The following ZDHHC14 variants were observed in gnomAD, a reference collection of about 807,000 sequenced individuals.
The protein encoded by ZDHHC14 is zDHHC palmitoyltransferase 14.
In ZDHHC14, 16 loss-of-function variants were observed where a neutral mutation model predicts 47.7. That is an observed-to-expected ratio of 0.34 (90% CI 0.23 to 0.51). The LOEUF is 0.51. Ranked by LOEUF, ZDHHC14 falls within the 20% of genes least tolerant of loss-of-function variation. The pLI is 0.97. For missense variants in ZDHHC14, 515 were observed against 662.5 expected (o/e 0.78, Z 2.44); for synonymous variants, 293 against 278.9 (o/e 1.05, Z -0.50).
At chr6:157,661,456 G>A (rs1778340715) in intron 8 of ZDHHC14, among the ~76,000 whole-genome samples, 1 of 152,168 alleles carries the variant, frequency 6.6e-6, no homozygotes, top group Non-Finnish European at 1.5e-5. Flanking sequence ...ACCTCTGCCA[G>A]CTGTGTCCCC....
intron 1 of ZDHHC14, among the ~76,000 whole-genome samples, chr6:157,493,682 C>T (rs1338879089): frequency 3.7e-4 from 57 of 152,244 alleles, no homozygotes; most frequent in African/African-American, 1.2e-4. Context: ...TCCAAAGCAG[C>T]GATGCTGTCC....
At chr6:157,672,624 A>AGCCC in intron 8 of ZDHHC14, 100 bp from the exon 9 acceptor site, 42 of 273,142 alleles carry the variant, frequency 1.5e-4, no homozygotes, top group East Asian at 7.8e-4. Context: ...CTCTTCTCGC[A>AGCCC]CCCCACCCTC....
chr6:157,545,472 C>G (rs138843179), intron 2 of ZDHHC14, among the ~76,000 whole-genome samples: 1 of 151,774 alleles, frequency 6.6e-6, no homozygotes, highest in African/African-American at 2.4e-5. Context: ...GTCAGGAGAT[C>G]GAGATCATCC....
At position 157,565,311 on chromosome 6, in the gene ZDHHC14, C is replaced by T. The variant is rs1487888962; in HGVS notation, c.406+22566C>T. Among the ~76,000 whole-genome samples, 5 of 152,202 alleles carry T rather than the reference C, an allele frequency of 3.3e-5. No homozygotes were observed. The East Asian group carries it at 5.8e-4, about 18-fold the overall frequency. The stretch of plus-strand genomic sequence containing the variant: ...TAAGTAGAGAGGTGTTGAGATTTTT[C>T]GTGTAATTAATGGTGGACTGGATTT... On this transcript the variant is annotated intron_variant, in intron 2 of 8. Transcript: ENST00000359775.
At chr6:157,439,573 A>T (rs553474635) in intron 1 of ZDHHC14, among the ~76,000 whole-genome samples, 2 of 152,234 alleles carry the variant, frequency 1.3e-5, no homozygotes, top group Non-Finnish European at 2.9e-5. Context: ...AACATAAATT[A>T]GTTCCAACAT....
At chr6:157,512,610 A>T (rs538764960) in intron 1 of ZDHHC14, among the ~76,000 whole-genome samples, 6 of 152,274 alleles carry the variant, frequency 3.9e-5, no homozygotes, top group African/African-American at 1.4e-4. Flanking sequence ...AGGAAGGCAG[A>T]TGTGGGAGGA....
At position 157,451,880 on chromosome 6, in the gene ZDHHC14, A is replaced by G. The variant is rs1048591270; in HGVS notation, c.245+69614A>G. 3.3e-5 allele frequency among the ~76,000 whole-genome samples: 5 copies of G among 152,194 alleles called. No homozygotes were observed. In the South Asian group the frequency reaches 6.2e-4, roughly 19 times the overall value. On this transcript the variant is annotated intron_variant, in intron 1 of 8. Transcript: ENST00000359775. Reference sequence around the variant, plus strand: ...CAGCATCTTGAATATTAATAATGGAAGGTGGCATATATTTTTGAGGGGAAG... The same window carrying G: ...CAGCATCTTGAATATTAATAATGGAGGGTGGCATATATTTTTGAGGGGAAG...
chr6:157,458,848 G>GGTTTTTTTTT (rs1778990291), intron 1 of ZDHHC14, among the ~76,000 whole-genome samples: 1 of 68,756 alleles, frequency 1.5e-5, no homozygotes, highest in African/African-American at 5.5e-5. Context: ...AATGTGGGTG[G>GGTTTTTTTTT]ATTTTTTTTT....
At chr6:157,483,719 C>T (rs9355262) in intron 1 of ZDHHC14, among the ~76,000 whole-genome samples, 44,355 of 151,958 alleles carry the variant, frequency 0.29, 7,089 homozygotes, top group East Asian at 0.44. Flanking sequence ...CCTTTGCATC[C>T]GTGGACCTTC....
In ZDHHC14 at chr6:157,428,570, G is replaced by A. The variant is rs778068445; in HGVS notation, c.245+46304G>A. On this transcript the variant is annotated intron_variant, in intron 1 of 8. Transcript: ENST00000359775. ...CCCTCTGAAACTAGTGGCCTGTTAC[G>A]CCTTGTGGAAGGGCACCCGAGAGAG... Among the ~76,000 whole-genome samples the A allele has an allele frequency of 3.1e-4, 47 of 152,174 alleles. 1 individual carries two copies. The highest frequency in any genetic ancestry group is 2.9e-3 in the East Asian group (15 of 5,166).
At chr6:157,658,151 C>T (rs977838574) in intron 8 of ZDHHC14, among the ~76,000 whole-genome samples, 2 of 152,010 alleles carry the variant, frequency 1.3e-5, no homozygotes, top group South Asian at 2.1e-4. Context: ...TTGGAGCAAC[C>T]GGAAAATAAT....
intron 1 of ZDHHC14, among the ~76,000 whole-genome samples, chr6:157,394,070 T>G (rs141764339): frequency 6.6e-6 from 1 of 152,172 alleles, no homozygotes; most frequent in Admixed American, 6.5e-5. Flanking sequence ...TTCTTCTCAA[T>G]AGACAGTCTC....
intron 1 of ZDHHC14, among the ~76,000 whole-genome samples, chr6:157,447,109 T>C (rs9347262): frequency 0.72 from 109,455 of 151,236 alleles, 39,620 homozygotes; most frequent in Admixed American, 0.76. Flanking sequence ...TGTGATGAGA[T>C]TCCATATCAA....
Position 157,675,964 on chromosome 6 carries a change from G to C in ZDHHC14, c.*2842G>C, listed in dbSNP as rs906561441. 1.3e-5 allele frequency: 2 copies of C among 152,206 alleles called. No homozygotes were observed. Among genetic ancestry groups the C allele is most frequent in the Admixed American group, 6.5e-5 (1 of 15,284 alleles). The allele number at this position is 152,206 out of a possible 1,614,324, so 9.4% of individuals were successfully genotyped here. ...TTCTGCTGTTTAAAAATTCATCTGC[G>C]TTCGTTCTCCCAGGAGTGCTCCAGG... On this transcript the variant is annotated 3_prime_UTR_variant, in exon 9 of 9. Coordinates refer to ENST00000359775, the MANE Select transcript of ZDHHC14 (RefSeq NM_024630.3).
intron 1 of ZDHHC14, among the ~76,000 whole-genome samples, chr6:157,434,218 T>TTATATATATATATATATATATATATA (rs373321908): frequency 5.6e-4 from 82 of 146,508 alleles, no homozygotes; most frequent in African/African-American, 1.8e-3. Context: ...GCTTATAATT[T>TTATATATATATATATATATATATATA]TATATATATA....
chr6:157,493,344 G>A (rs1003222770), intron 1 of ZDHHC14, among the ~76,000 whole-genome samples: 3 of 152,258 alleles, frequency 2.0e-5, no homozygotes, highest in Non-Finnish European at 4.4e-5. Context: ...GACGGTCTGA[G>A]GGCTGGCACA....
intron 8 of ZDHHC14, among the ~76,000 whole-genome samples, chr6:157,661,205 C>T (rs988463121): frequency 7.2e-5 from 11 of 152,176 alleles, no homozygotes; most frequent in African/African-American, 2.7e-4. Context: ...AGCAGCCCAA[C>T]AGGTAGCTGG....
At chr6:157,530,859 AT>A (rs1781337255) in intron 1 of ZDHHC14, among the ~76,000 whole-genome samples, 1 of 152,106 alleles carries the variant, frequency 6.6e-6, no homozygotes, top group Admixed American at 6.5e-5. Context: ...TTGGTCCTAT[AT>A]TATCTAATTC....
chr6:157,479,991 G>A (rs1376769777), intron 1 of ZDHHC14, among the ~76,000 whole-genome samples: 2 of 152,224 alleles, frequency 1.3e-5, no homozygotes, highest in African/African-American at 4.8e-5. Context: ...CCTCGAGGGG[G>A]TAGGGGAGCT....
Sources: allele counts gnomAD v4.1 joint callset (sites outside exome capture counted in the v4.1 genomes callset), GRCh38; gene constraint gnomAD v4.1.1; transcripts MANE v1.5; gene names NCBI Gene and HGNC (gene_info 2026-07-23, HGNC 2026-07-21).